The following TF variants were observed in gnomAD, a reference collection of about 807,000 sequenced individuals.
TF encodes the protein transferrin.
TF carries 55 observed loss-of-function variants against 82.4 expected under a neutral mutation model. That is an observed-to-expected ratio of 0.67 (90% confidence interval 0.54 to 0.84). The LOEUF (loss-of-function observed/expected upper bound fraction) is 0.84, where lower values mean the gene tolerates loss of function less well. Among genes scored for constraint, TF ranks in the 40% least tolerant of loss-of-function variants. TF has a pLI of 0.00. For synonymous variants in TF, 332 were observed against 332.6 expected (o/e 1.00, Z 0.02); for missense variants, 737 against 868.4 (o/e 0.85, Z 1.90).
rs1277618252 is a variant in TF at position 133,756,872 on chromosome 3, C to T, written c.733C>T (p.Leu245Phe). 1 of 1,614,242 alleles carries T rather than the reference C, an allele frequency of 6.2e-7. No individual in the cohort carries two copies. The highest frequency in any genetic ancestry group is 8.5e-7 in the Non-Finnish European group (1 of 1,180,050). ...GGCTGACAGGGACCAGTATGAGCTG[C>T]TTTGCCTGGACAACACCCGGAAGCC... ...NKADRDQYELLCLDNTRKPVD... is the reference protein window; with the variant it reads ...NKADRDQYELFCLDNTRKPVD... Residue 245 changes from leucine (L) to phenylalanine (F), a missense_variant, in exon 7 of 17, where the codon CTT (leucine) becomes TTT (phenylalanine). Leu to Phe is a conservative substitution (Grantham distance 22). Coordinates refer to ENST00000402696, the MANE Select transcript of TF (RefSeq NM_001063.4).
the TF span, among the ~76,000 whole-genome samples, chr3:133,713,738 T>TAAA: frequency 6.6e-6 from 1 of 152,310 alleles, no homozygotes; most frequent in East Asian, 1.9e-4. Flanking sequence ...CAGGTATGGC[T>TAAA]CCTTGAGCAA....
chr3:133,793,723 T>G lies in TF; in HGVS notation c.*15103T>G, dbSNP rs1211656263. 3.9e-5 allele frequency: 6 copies of G among 152,208 alleles called. No individual in the cohort carries two copies. Among genetic ancestry groups the G allele is most frequent in the African/African-American group, 1.4e-4 (6 of 41,454 alleles). The allele number at this position is 152,208 out of a possible 1,614,324, so 9.4% of individuals were successfully genotyped here. On this transcript the variant is annotated 3_prime_UTR_variant, in exon 17 of 17. Coordinates refer to ENST00000402696, the MANE Select transcript of TF (RefSeq NM_001063.4). ...ATTTCCACAGTTAATTGCTTAATGCTGATGCAGTTTCTGAAAACTTCACAA... is the reference window on the plus strand; with the variant it reads ...ATTTCCACAGTTAATTGCTTAATGCGGATGCAGTTTCTGAAAACTTCACAA...
In TF at chr3:133,750,005, G is replaced by A. The variant is rs8177195; in HGVS notation, c.216+1421G>A. ...CTCTCGATTAGGACTCTATTCTCCC[G>A]CAGAGACTGCGAGACAGACACTCTA... is the stretch of plus-strand genomic sequence containing the variant. On this transcript the variant is annotated intron_variant, in intron 2 of 16. Transcript: ENST00000402696. Among the ~76,000 whole-genome samples, 1,495 of 152,290 alleles carry A rather than the reference G, an allele frequency of 9.8e-3. 29 individuals are homozygous for A. The highest frequency in any genetic ancestry group is 0.034 in the African/African-American group (1,403 of 41,558).
At chr3:133,690,869 T>C in the TF span, among the ~76,000 whole-genome samples, 1 of 152,238 alleles carries the variant, frequency 6.6e-6, no homozygotes, top group African/African-American at 2.4e-5. Context: ...ATCTTGATGG[T>C]GTTCACAAGG....
At chr3:133,761,544 T>C (rs8177259) in intron 9 of TF, 47,283 of 151,952 alleles carry the variant, frequency 0.31, 7,744 homozygotes, top group South Asian at 0.42. Flanking sequence ...GGTGTACTTC[T>C]GGGTTGAGAC....
intron 11 of TF, among the ~76,000 whole-genome samples, chr3:133,765,112 C>A (rs920755206): frequency 2.0e-5 from 3 of 152,080 alleles, no homozygotes. Context: ...TCATTTAATG[C>A]TATAAGGTAG....
At chr3:133,686,318 C>G in the TF span, among the ~76,000 whole-genome samples, 1 of 152,140 alleles carries the variant, frequency 6.6e-6, no homozygotes, top group Non-Finnish European at 1.5e-5. Context: ...ACACCAAAAG[C>G]AATGGTAACA....
At chr3:133,703,457 A>T in the TF span, among the ~76,000 whole-genome samples, 3 of 152,178 alleles carry the variant, frequency 2.0e-5, no homozygotes, top group Non-Finnish European at 4.4e-5. Flanking sequence ...GACAAATTTA[A>T]CCTTTCTGCT....
rs1576353282 is a variant in TF, at chr3:133,746,600, T to C, written c.43+117T>C. 6 of 1,236,706 alleles carry C rather than the reference T, an allele frequency of 4.9e-6. No individual in the cohort carries two copies. The South Asian group carries it at 7.9e-5, about 16-fold the overall frequency. The allele number at this position is 1,236,706 out of a possible 1,614,324, so 76.6% of individuals were successfully genotyped here. ...CGCTCAGGCTGGAAGCCTGGGTGTC[T>C]GGGTGCCTTTCCATTGCCTCTCTAC... On this transcript the variant is annotated intron_variant, in intron 1 of 16. Transcript: ENST00000402696.
At chr3:133,743,866 C>G (rs188235142), upstream of TF, among the ~76,000 whole-genome samples, 2 of 152,302 alleles carry the variant, frequency 1.3e-5, no homozygotes, top group East Asian at 3.9e-4. Flanking sequence ...GCACCCCATA[C>G]AGCTAGGGCC....
the TF span, among the ~76,000 whole-genome samples, chr3:133,686,649 A>G: frequency 6.6e-6 from 1 of 152,202 alleles, no homozygotes; most frequent in Non-Finnish European, 1.5e-5. Flanking sequence ...CCACAATGAG[A>G]TACCATCTCA....
chr3:133,696,989 TATA>T, the TF span, among the ~76,000 whole-genome samples: 1 of 152,230 alleles, frequency 6.6e-6, no homozygotes, highest in African/African-American at 2.4e-5. Context: ...AGCTCATTTT[TATA>T]ATGTCTGCTA....
At chr3:133,679,365 A>T in the TF span, among the ~76,000 whole-genome samples, 1 of 152,188 alleles carries the variant, frequency 6.6e-6, no homozygotes, top group Non-Finnish European at 1.5e-5. Context: ...GTAGTATAAT[A>T]CTATGCACTC....
At chr3:133,743,147 A>G (rs1368887580), upstream of TF, among the ~76,000 whole-genome samples, 1 of 152,186 alleles carries the variant, frequency 6.6e-6, no homozygotes, top group East Asian at 1.9e-4. Context: ...CTCCATGAAT[A>G]AGGACCCATC....
rs1016765434 is a variant in TF at position 133,792,051 on chromosome 3, A to G, written c.*13431A>G. The G allele has an allele frequency of 6.6e-6, 1 of 152,254 alleles. No homozygotes were observed. The highest frequency in any genetic ancestry group is 2.4e-5 in the African/African-American group (1 of 41,466). 9.4% of individuals were successfully genotyped at this position (152,254 alleles called of 1,614,324 possible). On this transcript the variant is annotated 3_prime_UTR_variant, in exon 17 of 17. Transcript: ENST00000402696. ...ATATTTAGTCTAAATTATGCAGGTC[A>G]GATATTAGATTTGCAAAATGCTTTA...
At chr3:133,703,494 A>G in the TF span, among the ~76,000 whole-genome samples, 3 of 152,224 alleles carry the variant, frequency 2.0e-5, no homozygotes, top group East Asian at 3.8e-4. Context: ...GGGAAATTCT[A>G]GTATCTAGCT....
At chr3:133,702,979 C>G in the TF span, among the ~76,000 whole-genome samples, 9 of 152,102 alleles carry the variant, frequency 5.9e-5, no homozygotes, top group African/African-American at 2.2e-4. Flanking sequence ...TATTATTATT[C>G]AAAATCCCAG....
the TF span, among the ~76,000 whole-genome samples, chr3:133,675,884 A>AT: frequency 2.0e-5 from 3 of 152,142 alleles, no homozygotes; most frequent in Non-Finnish European, 4.4e-5. Flanking sequence ...AGACTAAAGT[A>AT]TTTACTCTTT....
rs1483420935 is a variant in TF, at chr3:133,792,978, CT to C, written c.*14359del. 2 of 152,112 alleles carry C rather than the reference CT, an allele frequency of 1.3e-5. No homozygotes were observed. Among genetic ancestry groups the C allele is most frequent in the Non-Finnish European group, 2.9e-5 (2 of 68,000 alleles). 9.4% of individuals were successfully genotyped at this position (152,112 alleles called of 1,614,324 possible). ...AGGATTATAAAAGGTTTATGAGAAT[CT>C]CACCTTATGGTCAAACGGATTAAGA... On this transcript the variant is annotated 3_prime_UTR_variant, in exon 17 of 17. Coordinates refer to ENST00000402696, the MANE Select transcript of TF (RefSeq NM_001063.4).
Sources: allele counts gnomAD v4.1 joint callset (sites outside exome capture counted in the v4.1 genomes callset), GRCh38; gene constraint gnomAD v4.1.1; transcripts MANE v1.5; gene names NCBI Gene and HGNC (gene_info 2026-07-23, HGNC 2026-07-21).